Variants in EPB41 observed in about 807,000 individuals in gnomAD.
EPB41 encodes erythrocyte membrane protein band 4.1.
EPB41 carries 65 observed loss-of-function variants against 108.0 expected under a neutral mutation model. The observed-to-expected ratio is 0.60, with a 90% CI of 0.49 to 0.74. The LOEUF is 0.74. Ranked by LOEUF, EPB41 falls within the 30% of genes least tolerant of loss-of-function variation. The pLI is 0.00. For missense variants in EPB41, 875 were observed against 1,037.0 expected (o/e 0.84, Z 2.15); for synonymous variants, 336 against 358.9 (o/e 0.94, Z 0.72).
intron 17 of EPB41, among the ~76,000 whole-genome samples, chr1:29,106,398 A>G (rs1667144723): frequency 2.0e-5 from 3 of 151,998 alleles, no homozygotes; most frequent in Admixed American, 1.3e-4. Context: ...TATGCTCACA[A>G]CAGTGCTACG....
intron 1 of EPB41, among the ~76,000 whole-genome samples, chr1:28,949,984 A>G (rs1334382195): frequency 3.9e-5 from 6 of 152,146 alleles, no homozygotes. Flanking sequence ...ATAATATTCC[A>G]TTGTATGACT....
intron 1 of EPB41, among the ~76,000 whole-genome samples, chr1:28,947,057 A>G (rs1018977798): frequency 1.3e-5 from 2 of 152,244 alleles, no homozygotes; most frequent in African/African-American, 2.4e-5. Flanking sequence ...CGAGAATGGA[A>G]TAGCACCAGA....
At chr1:28,910,890 A>C, upstream of EPB41, 14 of 803,528 alleles carry the variant, frequency 1.7e-5, no homozygotes, top group Non-Finnish European at 2.0e-5. Context: ...CAGGCGAGAT[A>C]GAGATGGTCC....
At chr1:29,044,569 T>C (rs368920724) in intron 11 of EPB41, among the ~76,000 whole-genome samples, 190 of 152,258 alleles carry the variant, frequency 1.2e-3, no homozygotes, top group African/African-American at 4.3e-3. Context: ...TGGCTGGATG[T>C]GGTGGCTCAC....
At chr1:29,054,560 A>T (rs1275396630) in intron 12 of EPB41, 1 of 119,830 alleles carries the variant, frequency 8.3e-6, no homozygotes, top group Non-Finnish European at 1.8e-5. Flanking sequence ...AAAAAAAAAA[A>T]ACTGTTAGGC....
chr1:28,919,285 A>G (rs2092902479), intron 1 of EPB41, among the ~76,000 whole-genome samples: 1 of 152,218 alleles, frequency 6.6e-6, no homozygotes, highest in Admixed American at 6.5e-5. Flanking sequence ...TTTGGAGAAC[A>G]GCAGCCAGTA....
intron 16 of EPB41, among the ~76,000 whole-genome samples, chr1:29,083,229 G>A (rs1037634183): frequency 2.6e-5 from 4 of 151,376 alleles, no homozygotes; most frequent in African/African-American, 9.7e-5. Context: ...TTAGAATGAA[G>A]AGAAATGTAT....
rs556772758 is a variant in EPB41, at chr1:28,943,289, G to A, written c.-8+28521G>A. Among the ~76,000 whole-genome samples the A allele has an allele frequency of 2.6e-5, 4 of 152,248 alleles. No homozygotes were observed. In the South Asian group the frequency reaches 8.3e-4, roughly 32 times the overall value. ...TTCGAATAAACATTTCTCAAAAGAAGATATACAGATGACAAACAGGCATAT... is the reference window on the plus strand; with the variant it reads ...TTCGAATAAACATTTCTCAAAAGAAAATATACAGATGACAAACAGGCATAT... On this transcript the variant is annotated intron_variant, in intron 1 of 20. Coordinates refer to ENST00000343067, the MANE Select transcript of EPB41 (RefSeq NM_001376013.1).
At chr1:28,903,118 A>G (rs899296996) in intron 1 of EPB41, among the ~76,000 whole-genome samples, 4 of 152,134 alleles carry the variant, frequency 2.6e-5, no homozygotes, top group Non-Finnish European at 4.4e-5. Flanking sequence ...AATGCAGTTA[A>G]AGTACTTAGG....
intron 1 of EPB41, among the ~76,000 whole-genome samples, chr1:28,920,390 A>G (rs996986629): frequency 6.6e-6 from 1 of 152,170 alleles, no homozygotes; most frequent in East Asian, 1.9e-4. Context: ...TCCATCCTCC[A>G]CAAAAGTCAC....
At chr1:29,009,384 A>G (rs1487987035) in intron 4 of EPB41, among the ~76,000 whole-genome samples, 1 of 152,198 alleles carries the variant, frequency 6.6e-6, no homozygotes, top group Admixed American at 6.5e-5. Context: ...GAGTCTTTAT[A>G]TGATTGACAC....
intron 1 of EPB41, among the ~76,000 whole-genome samples, chr1:28,973,213 A>G (rs1223216670): frequency 6.6e-6 from 1 of 152,068 alleles, no homozygotes; most frequent in Non-Finnish European, 1.5e-5. Context: ...TAGGGAAGTA[A>G]AAGGGCCTAT....
chr1:29,011,354 G>A (rs2096497634), intron 4 of EPB41, among the ~76,000 whole-genome samples: 1 of 149,574 alleles, frequency 6.7e-6, no homozygotes, highest in Non-Finnish European at 1.5e-5. Flanking sequence ...AATAGAGCGA[G>A]ACTCCTTCTC....
chr1:29,035,660 A>G (rs958960157), intron 9 of EPB41, among the ~76,000 whole-genome samples, 166 bp from the exon 10 acceptor site: 1 of 152,114 alleles, frequency 6.6e-6, no homozygotes, highest in Admixed American at 6.6e-5. Context: ...CAGTGAGTGA[A>G]TTTCTTTCAG....
Position 28,973,986 on chromosome 1 carries a change from C to G in EPB41, c.-7-13445C>G, listed in dbSNP as rs1186791264. On this transcript the variant is annotated intron_variant, in intron 1 of 20. Transcript: ENST00000343067. ...AGGAGTCACATGAAATTCAGCAGCTCTTGAAATTTGTTAGAGCAGCAATCA... is the reference window on the plus strand; with the variant it reads ...AGGAGTCACATGAAATTCAGCAGCTGTTGAAATTTGTTAGAGCAGCAATCA... Among the ~76,000 whole-genome samples, 11 of 152,308 alleles carry G rather than the reference C, an allele frequency of 7.2e-5. No homozygotes were observed. In the East Asian group the frequency reaches 2.1e-3, roughly 29 times the overall value.
At chr1:28,908,813 G>C (rs184519218) in intron 1 of EPB41, among the ~76,000 whole-genome samples, 1 of 151,986 alleles carries the variant, frequency 6.6e-6, no homozygotes, top group African/African-American at 2.4e-5. Context: ...ATATCCGCTT[G>C]CTAGCTTTGT....
At chr1:28,958,712 G>A (rs12083807) in intron 1 of EPB41, among the ~76,000 whole-genome samples, 11,212 of 150,166 alleles carry the variant, frequency 0.075, 430 homozygotes, top group African/African-American at 0.1. Context: ...TCAGCTACTC[G>A]GGAGGCTGAG....
intron 17 of EPB41, among the ~76,000 whole-genome samples, chr1:29,105,129 A>G (rs1321230160): frequency 1.3e-5 from 2 of 152,112 alleles, no homozygotes; most frequent in African/African-American, 2.4e-5. Flanking sequence ...TCTGATTTCT[A>G]CCCCTTTAGG....
intron 11 of EPB41, among the ~76,000 whole-genome samples, chr1:29,045,115 A>G (rs1304541697): frequency 6.6e-6 from 1 of 152,204 alleles, no homozygotes; most frequent in African/African-American, 2.4e-5. Flanking sequence ...TTGTAGAATC[A>G]GATTTTCTAT....
Sources: gnomAD v4.1 joint callset for allele counts (sites outside exome capture counted in the v4.1 genomes callset) on GRCh38, gnomAD v4.1.1 for gene constraint, MANE v1.5 for transcripts, NCBI Gene and HGNC (gene_info 2026-07-23, HGNC 2026-07-21) for gene names.